PTK2: variants seen among roughly 807,000 people sequenced by gnomAD.
The protein encoded by PTK2 is protein tyrosine kinase 2, also known as focal adhesion kinase 1.
In PTK2, 45 loss-of-function variants were observed where a neutral mutation model predicts 150.1. That is an observed-to-expected ratio of 0.30 (90% CI 0.24 to 0.38). PTK2 has a LOEUF of 0.38. PTK2 is among the 10% of genes least tolerant of loss of function. PTK2 has a pLI of 1.00. For synonymous variants in PTK2, 432 were observed against 449.2 expected (o/e 0.96, Z 0.48); for missense variants, 919 against 1,307.3 (o/e 0.70, Z 4.58).
At chr8:140,770,381 A>G (rs2100074805) in intron 14 of PTK2, among the ~76,000 whole-genome samples, 1 of 152,228 alleles carries the variant, frequency 6.6e-6, no homozygotes, top group Admixed American at 6.5e-5. Context: ...TAGGAAATCC[A>G]TGATGCAAAA....
In PTK2 at chr8:140,955,787, G is replaced by A. The variant is rs1329532636; in HGVS notation, c.-121-30038C>T. On this transcript the variant is annotated intron_variant, in intron 1 of 31. Coordinates refer to ENST00000522684, the Ensembl canonical transcript of PTK2. ...CCAATTCCATTTCCACAGCCATGTCGGAAGAAGGTTCAGAACTGGCAGCAC... is the reference window on the plus strand; with the variant it reads ...CCAATTCCATTTCCACAGCCATGTCAGAAGAAGGTTCAGAACTGGCAGCAC... Among the ~76,000 whole-genome samples, 8 of 152,168 alleles carry A rather than the reference G, an allele frequency of 5.3e-5. No individual in the cohort carries two copies. In the East Asian group the frequency reaches 7.7e-4, roughly 15 times the overall value.
At chr8:140,879,675 T>TCA in intron 3 of PTK2, 38 bp from the exon 4 acceptor site, 2 of 37,214 alleles carry the variant, frequency 5.4e-5, no homozygotes, top group Admixed American at 3.6e-4. Flanking sequence ...TGTTATAAAC[T>TCA]GAAAAAAAAA....
chr8:140,731,293 CT>C (rs1268183036), intron 22 of PTK2, among the ~76,000 whole-genome samples: 1 of 152,034 alleles, frequency 6.6e-6, no homozygotes, highest in Admixed American at 6.6e-5. Context: ...ATTTGGTGCG[CT>C]CTTATAACCT....
chr8:140,967,627 A>G (rs2100185770), intron 1 of PTK2, among the ~76,000 whole-genome samples: 1 of 151,658 alleles, frequency 6.6e-6, no homozygotes. Context: ...CGCCCAGCTA[A>G]TTTTGTATTT....
intron 18 of PTK2, among the ~76,000 whole-genome samples, chr8:140,745,237 T>C (rs936058071): frequency 3.9e-5 from 6 of 152,196 alleles, no homozygotes; most frequent in African/African-American, 1.4e-4. Flanking sequence ...CCCCTCTTAT[T>C]TCCTTCCCCA....
chr8:140,703,218 G>A (rs1227424520), intron 24 of PTK2, among the ~76,000 whole-genome samples: 4 of 151,878 alleles, frequency 2.6e-5, no homozygotes, highest in African/African-American at 7.2e-5. Flanking sequence ...AGCCGAGATC[G>A]GGCCATTGCA....
intron 31 of PTK2, 84 bp downstream of exon 35, chr8:140,664,833 C>T (rs1588894917): frequency 1.2e-5 from 16 of 1,325,194 alleles, no homozygotes; most frequent in Admixed American, 7.5e-5. Context: ...GACTGAGGAG[C>T]GGCCTTCAGC....
At chr8:140,856,773 T>C (rs969392109) in intron 5 of PTK2, among the ~76,000 whole-genome samples, 1 of 152,196 alleles carries the variant, frequency 6.6e-6, no homozygotes, top group Non-Finnish European at 1.5e-5. Flanking sequence ...TTTAACTGTG[T>C]ATAAATCAAA....
intron 26 of PTK2, 156 bp from the exon 30 acceptor site, chr8:140,686,850 T>C: frequency 1.5e-6 from 1 of 667,710 alleles, no homozygotes. Flanking sequence ...TGATGATAAA[T>C]GAAGGTTGGC....
chr8:140,830,127 C>A lies in PTK2; in HGVS notation c.648+345G>T, dbSNP rs977228408. Among the ~76,000 whole-genome samples, 14 of 151,958 alleles carry A rather than the reference C, an allele frequency of 9.2e-5. No individual in the cohort carries two copies. In the East Asian group the frequency reaches 2.7e-3, roughly 29 times the overall value. On this transcript the variant is annotated intron_variant, in intron 8 of 31. Coordinates refer to ENST00000522684, the Ensembl canonical transcript of PTK2. ...CACACACACAATATTAATGATTCCA[C>A]CACCACGATTATTTTACATATTGCT... is the stretch of plus-strand genomic sequence containing the variant.
intron 4 of PTK2, chr8:140,879,133 T>TAAAA (rs567250604): frequency 6.2e-6 from 1 of 162,442 alleles, no homozygotes; most frequent in African/African-American, 2.4e-5. Context: ...GATGAAAACA[T>TAAAA]TATATATATA....
chr8:140,889,704 A>G lies in PTK2; in HGVS notation c.195+839T>C, dbSNP rs775711404. On this transcript the variant is annotated intron_variant, in intron 3 of 31. Transcript: ENST00000522684. ...CTTGTCACTGGAAACTTCTCCTTAAAGATGAATATAGACTAGGTGGAGAGG... is the reference window on the plus strand; with the variant it reads ...CTTGTCACTGGAAACTTCTCCTTAAGGATGAATATAGACTAGGTGGAGAGG... Among the ~76,000 whole-genome samples the G allele has an allele frequency of 1.5e-3, 221 of 152,302 alleles. 2 individuals are homozygous for G. The highest frequency in any genetic ancestry group is 1.4e-3 in the Non-Finnish European group (95 of 68,022).
intron 7 of PTK2, among the ~76,000 whole-genome samples, chr8:140,845,590 ATTATG>A (rs2100124907): frequency 6.6e-6 from 1 of 152,204 alleles, no homozygotes; most frequent in Non-Finnish European, 1.5e-5. Flanking sequence ...TTTCTAGCAC[ATTATG>A]TTATAATTTT....
At chr8:140,703,545 T>A (rs1479951810) in intron 24 of PTK2, among the ~76,000 whole-genome samples, 1 of 152,232 alleles carries the variant, frequency 6.6e-6, no homozygotes, top group Non-Finnish European at 1.5e-5. Flanking sequence ...GTCTGTGCCA[T>A]ACTTTGCTCT....
chr8:140,714,996 T>C (rs183881823), intron 23 of PTK2, among the ~76,000 whole-genome samples: 2 of 151,790 alleles, frequency 1.3e-5, no homozygotes, highest in East Asian at 3.9e-4. Flanking sequence ...AGAAGCAGAA[T>C]TTGATTCTAA....
intron 1 of PTK2, among the ~76,000 whole-genome samples, chr8:140,974,410 T>C (rs2100188503): frequency 1.3e-5 from 2 of 152,222 alleles, no homozygotes; most frequent in South Asian, 4.1e-4. Context: ...CTTTCTCTAA[T>C]GTTCATAGCA....
rs537986682 is a variant in PTK2 at position 140,807,104 on chromosome 8, G to A, written c.868-3454C>T. ...CATGCCTGGCATGTAAGTGAATGAA[G>A]TATGAGAAGTTATTAGGTGCTAGAC... On this transcript the variant is annotated intron_variant, in intron 10 of 31. Transcript: ENST00000522684. 5.9e-5 allele frequency among the ~76,000 whole-genome samples: 9 copies of A among 152,372 alleles called. No individual in the cohort carries two copies. In the South Asian group the frequency reaches 1.9e-3, roughly 32 times the overall value.
intron 5 of PTK2, among the ~76,000 whole-genome samples, chr8:140,858,368 T>A (rs555196197): frequency 2.1e-4 from 31 of 145,366 alleles, no homozygotes; most frequent in African/African-American, 7.2e-4. Context: ...CCAGAAATGA[T>A]GAAAACGACA....
chr8:140,725,197 G>C (rs1349678133), intron 22 of PTK2, among the ~76,000 whole-genome samples: 1 of 150,046 alleles, frequency 6.7e-6, no homozygotes, highest in Non-Finnish European at 1.5e-5. Context: ...GCAGTGGCTC[G>C]ATCACGGCTC....
Sources: allele counts gnomAD v4.1 joint callset (sites outside exome capture counted in the v4.1 genomes callset), GRCh38; gene constraint gnomAD v4.1.1; transcripts MANE v1.5; gene names NCBI Gene and HGNC (gene_info 2026-07-23, HGNC 2026-07-21).